Variants in FSTL5 observed in about 807,000 individuals in gnomAD.
The protein encoded by FSTL5 is follistatin like 5, also known as follistatin-related protein 5.
Under a neutral mutation model 89.1 loss-of-function variants are expected in FSTL5, and 62 were observed. That is an observed-to-expected ratio of 0.70 (90% CI 0.57 to 0.86). The LOEUF (loss-of-function observed/expected upper bound fraction) is 0.86. Among genes scored for constraint, FSTL5 ranks in the 40% least tolerant of loss-of-function variants. The pLI is 0.00. For synonymous variants in FSTL5, 383 were observed against 346.2 expected (o/e 1.11, Z -1.18); for missense variants, 1,057 against 1,001.6 (o/e 1.06, Z -0.75).
At chr4:161,882,155 T>G (rs1484080621) in intron 4 of FSTL5, among the ~76,000 whole-genome samples, 3 of 152,092 alleles carry the variant, frequency 2.0e-5, no homozygotes, top group Non-Finnish European at 4.4e-5. Flanking sequence ...AAGCCCTTCT[T>G]TTTTATTTCC....
At chr4:161,776,735 T>C (rs1741425481) in intron 4 of FSTL5, among the ~76,000 whole-genome samples, 1 of 151,838 alleles carries the variant, frequency 6.6e-6, no homozygotes, top group South Asian at 2.1e-4. Context: ...ATTATGTACA[T>C]AAATATGTAC....
intron 3 of FSTL5, among the ~76,000 whole-genome samples, chr4:161,961,885 TAGAA>T (rs1198376133): frequency 6.6e-6 from 1 of 151,546 alleles, no homozygotes; most frequent in Non-Finnish European, 1.5e-5. Context: ...AACAAACAAT[TAGAA>T]AGAAGATATT....
chr4:161,995,973 G>A (rs1736283302), intron 3 of FSTL5, among the ~76,000 whole-genome samples: 1 of 151,974 alleles, frequency 6.6e-6, no homozygotes, highest in Non-Finnish European at 1.5e-5. Context: ...CACCTAAAAG[G>A]ATACAAAGCG....
Position 161,386,297 on chromosome 4 carries a change from C to T in FSTL5, c.1994G>A (p.Cys665Tyr). The change falls in exon 16 of 16, where the codon TGC becomes TAC. Residue 665 changes from cysteine to tyrosine, a missense_variant. Transcript: ENST00000306100. The stretch of plus-strand genomic sequence containing the variant: ...AACTGCTCCGGTGCTGTCAGGTTTG[C>T]AGCCAATGAAGTAGTAGCCTCCCAA... ...THLGGYYFIG[C>Y]KPDSTGAVSP... 6.2e-7 allele frequency: 1 copy of T among 1,613,946 alleles called. No individual in the cohort carries two copies. The highest frequency in any genetic ancestry group is 8.5e-7 in the Non-Finnish European group (1 of 1,179,938).
At chr4:161,699,316 G>A (rs1738293012) in intron 6 of FSTL5, among the ~76,000 whole-genome samples, 1 of 152,236 alleles carries the variant, frequency 6.6e-6, no homozygotes, top group Non-Finnish European at 1.5e-5. Flanking sequence ...AATGGCTATA[G>A]AAATATTTTC....
chr4:161,950,482 G>A (rs762578044), intron 3 of FSTL5, among the ~76,000 whole-genome samples: 130 of 152,086 alleles, frequency 8.5e-4, no homozygotes, highest in Admixed American at 2.4e-3. Context: ...TATCCTTGGC[G>A]CTGCAGTGCT....
intron 1 of FSTL5, among the ~76,000 whole-genome samples, chr4:162,139,794 A>G (rs1294890087): frequency 6.6e-6 from 1 of 152,144 alleles, no homozygotes; most frequent in African/African-American, 2.4e-5. Context: ...CACACATCAT[A>G]AAAGACTGCA....
Position 161,692,479 on chromosome 4 carries a change from A to T in FSTL5, c.728-35985T>A, listed in dbSNP as rs147487751. ...TCAAAATGCACAGGTTTGGACCCTA[A>T]CCCTTAGTGCTTTTACAAAAGGTGC... On this transcript the variant is annotated intron_variant, in intron 6 of 15. Coordinates refer to ENST00000306100, the MANE Select transcript of FSTL5 (RefSeq NM_020116.5). Among the ~76,000 whole-genome samples, 322 of 152,154 alleles carry T rather than the reference A, an allele frequency of 2.1e-3. 1 individual carries two copies. The highest frequency in any genetic ancestry group is 3.8e-3 in the Non-Finnish European group (258 of 68,000).
intron 10 of FSTL5, among the ~76,000 whole-genome samples, chr4:161,515,005 T>C (rs191949293): frequency 6.6e-6 from 1 of 152,234 alleles, no homozygotes; most frequent in African/African-American, 2.4e-5. Context: ...GATGGGAATA[T>C]AAACTATTCC....
chr4:161,495,976 T>A (rs1404573631), intron 12 of FSTL5, among the ~76,000 whole-genome samples: 1 of 152,098 alleles, frequency 6.6e-6, no homozygotes, highest in African/African-American at 2.4e-5. Context: ...ATCCATGAGG[T>A]TAGAGTCACT....
chr4:161,479,006 TCTA>T (rs531813812), intron 13 of FSTL5, among the ~76,000 whole-genome samples: 37 of 152,182 alleles, frequency 2.4e-4, no homozygotes, highest in African/African-American at 4.3e-4. Flanking sequence ...GTAATAGAAA[TCTA>T]CACAATAATT....
At chr4:161,977,184 C>T (rs1214544032) in intron 3 of FSTL5, among the ~76,000 whole-genome samples, 1 of 152,140 alleles carries the variant, frequency 6.6e-6, no homozygotes, top group African/African-American at 2.4e-5. Context: ...AAGTTGGTAA[C>T]TGCAAATGTC....
chr4:161,401,889 A>C (rs1477271235), intron 15 of FSTL5, among the ~76,000 whole-genome samples: 1 of 152,208 alleles, frequency 6.6e-6, no homozygotes, highest in Non-Finnish European at 1.5e-5. Flanking sequence ...AATGGAAATT[A>C]TATTGCTGTT....
intron 3 of FSTL5, among the ~76,000 whole-genome samples, chr4:162,018,490 T>A (rs189070840): frequency 6.6e-6 from 1 of 152,204 alleles, no homozygotes; most frequent in Non-Finnish European, 1.5e-5. Context: ...CAGCATATTG[T>A]GTAAGAGTAA....
intron 2 of FSTL5, among the ~76,000 whole-genome samples, chr4:162,052,420 A>G (rs1315320312): frequency 1.3e-5 from 2 of 151,804 alleles, no homozygotes; most frequent in African/African-American, 4.8e-5. Flanking sequence ...CAGAAAATAA[A>G]TGGTTTCTAT....
chr4:161,957,972 A>T (rs1252693882), intron 3 of FSTL5, among the ~76,000 whole-genome samples: 1 of 152,068 alleles, frequency 6.6e-6, no homozygotes, highest in Admixed American at 6.6e-5. Context: ...GGTTCCTATT[A>T]CATATATATT....
chr4:161,891,250 T>C (rs1359635270), intron 4 of FSTL5, among the ~76,000 whole-genome samples: 1 of 152,190 alleles, frequency 6.6e-6, no homozygotes, highest in Non-Finnish European at 1.5e-5. Flanking sequence ...TCATGTCATT[T>C]CTGAGGAAAT....
At chr4:161,541,798 T>C (rs1560945262) in intron 9 of FSTL5, among the ~76,000 whole-genome samples, 1 of 151,904 alleles carries the variant, frequency 6.6e-6, no homozygotes. Flanking sequence ...AAAATGAGTG[T>C]TGTGTGTTAC....
At chr4:162,069,276 G>T (rs1729496126) in intron 2 of FSTL5, among the ~76,000 whole-genome samples, 1 of 151,818 alleles carries the variant, frequency 6.6e-6, no homozygotes, top group East Asian at 1.9e-4. Flanking sequence ...CATAATAATT[G>T]TACATATTTA....
Sources: gnomAD v4.1 joint callset for allele counts (sites outside exome capture counted in the v4.1 genomes callset) on GRCh38, gnomAD v4.1.1 for gene constraint, MANE v1.5 for transcripts, NCBI Gene and HGNC (gene_info 2026-07-23, HGNC 2026-07-21) for gene names.